The following PPM1E variants were observed in gnomAD, a reference collection of about 807,000 sequenced individuals.
PPM1E encodes the protein protein phosphatase 1E.
A neutral mutation model predicts 65.9 loss-of-function variants in PPM1E; 20 were observed. The ratio of observed to expected loss-of-function variants is 0.30; its 90% CI spans 0.21 to 0.44. The LOEUF is 0.44. Among genes scored for constraint, PPM1E ranks in the 20% least tolerant of loss-of-function variants. The probability of loss-of-function intolerance (pLI) is 1.00; values close to 1 mark genes in which losing one functional copy is unlikely to be tolerated. For synonymous variants in PPM1E, 352 were observed against 374.9 expected (o/e 0.94, Z 0.70); for missense variants, 713 against 953.1 (o/e 0.75, Z 3.32).
chr17:58,984,665 T>C lies in PPM1E; in HGVS notation c.*3634T>C, dbSNP rs144066773. 3.1e-4 allele frequency: 47 copies of C among 152,766 alleles called. No homozygotes were observed. Among genetic ancestry groups the C allele is most frequent in the Non-Finnish European group, 6.2e-4 (42 of 68,022 alleles). The allele number at this position is 152,766 out of a possible 1,614,324, so 9.5% of individuals were successfully genotyped here. On this transcript the variant is annotated 3_prime_UTR_variant, in exon 7 of 7. Transcript: ENST00000308249. The stretch of plus-strand genomic sequence containing the variant: ...TATTCTGATCTGCAAATAGCTTAAA[T>C]GTCTCTTGCAAAACAAAGTAAGATA...
At chr17:58,808,115 TATC>T (rs1240319078) in intron 1 of PPM1E, among the ~76,000 whole-genome samples, 10 of 152,234 alleles carry the variant, frequency 6.6e-5, no homozygotes, top group African/African-American at 2.4e-4. Context: ...TTTATCAAGT[TATC>T]ATATTTTCAT....
chr17:58,965,931 G>A, intron 3 of PPM1E, 38 bp downstream of exon 3: 1 of 1,588,680 alleles, frequency 6.3e-7, no homozygotes, highest in South Asian at 1.1e-5. Flanking sequence ...AGATTTTAAA[G>A]ACAAAACAAA....
Position 58,933,092 on chromosome 17 carries a change from A to G in PPM1E, c.465-22557A>G, listed in dbSNP as rs193177961. On this transcript the variant is annotated intron_variant, in intron 1 of 6. Transcript: ENST00000308249. ...ATAGCCTACGTGTGTAGTAGACTAT[A>G]CCATCTGGGTTTATATGAGTATGCT... Among the ~76,000 whole-genome samples, 17 of 152,312 alleles carry G rather than the reference A, an allele frequency of 1.1e-4. No individual in the cohort carries two copies. The East Asian group carries it at 2.9e-3, about 26-fold the overall frequency.
chr17:58,796,341 G>A (rs576873248), intron 1 of PPM1E, among the ~76,000 whole-genome samples: 6 of 152,210 alleles, frequency 3.9e-5, no homozygotes, highest in African/African-American at 9.6e-5. Flanking sequence ...CATCCTGCCC[G>A]GCTTGGTTTT....
chr17:58,829,345 G>A (rs1163835686), intron 1 of PPM1E, among the ~76,000 whole-genome samples: 1 of 152,064 alleles, frequency 6.6e-6, no homozygotes, highest in African/African-American at 2.4e-5. Flanking sequence ...CCTGGCCCGT[G>A]TTTACGTTTT....
At chr17:58,848,891 T>C (rs926873776) in intron 1 of PPM1E, among the ~76,000 whole-genome samples, 12 of 152,226 alleles carry the variant, frequency 7.9e-5, no homozygotes, top group African/African-American at 2.9e-4. Context: ...CAGCTGTGAA[T>C]CCATCTGGTC....
intron 1 of PPM1E, among the ~76,000 whole-genome samples, chr17:58,767,333 A>G (rs1299061493): frequency 1.3e-5 from 2 of 152,192 alleles, no homozygotes; most frequent in Non-Finnish European, 2.9e-5. Flanking sequence ...ACAAGTTTTC[A>G]CCATCAGCAG....
At chr17:58,959,917 T>G (rs1236860491) in intron 2 of PPM1E, among the ~76,000 whole-genome samples, 2 of 152,166 alleles carry the variant, frequency 1.3e-5, no homozygotes, top group Non-Finnish European at 2.9e-5. Context: ...TTGATAAAAT[T>G]TAATATCATT....
chr17:58,933,744 C>T (rs1216874917), intron 1 of PPM1E, among the ~76,000 whole-genome samples: 1 of 150,208 alleles, frequency 6.7e-6, no homozygotes, highest in African/African-American at 2.5e-5. Flanking sequence ...TTCAGTGAGC[C>T]GAGATCGCAC....
intron 1 of PPM1E, among the ~76,000 whole-genome samples, chr17:58,892,296 C>T (rs1028018653): frequency 3.3e-5 from 5 of 151,988 alleles, no homozygotes; most frequent in South Asian, 2.1e-4. Flanking sequence ...ATTTCAAGGC[C>T]GGCATGGTGG....
intron 1 of PPM1E, chr17:58,835,855 C>G (rs921088921): frequency 1.3e-5 from 2 of 152,148 alleles, no homozygotes; most frequent in African/African-American, 4.8e-5. Context: ...GGTGACAGAA[C>G]AAGACCCCGT....
At chr17:58,916,867 T>A in intron 1 of PPM1E, among the ~76,000 whole-genome samples, 1 of 152,126 alleles carries the variant, frequency 6.6e-6, no homozygotes, top group Non-Finnish European at 1.5e-5. Context: ...TGTGGTATTA[T>A]TATATAAGAC....
intron 1 of PPM1E, among the ~76,000 whole-genome samples, chr17:58,887,162 C>CTTTTT (rs71143300): frequency 7.5e-4 from 84 of 111,686 alleles, no homozygotes; most frequent in Middle Eastern, 5.6e-3. Flanking sequence ...AGGCCTTCTT[C>CTTTTT]TTTTTTTTTT....
chr17:58,824,493 C>T (rs1051173559), intron 1 of PPM1E, among the ~76,000 whole-genome samples: 4 of 151,966 alleles, frequency 2.6e-5, no homozygotes, highest in African/African-American at 9.7e-5. Flanking sequence ...GAATCAATCA[C>T]TTTGAAAAGA....
intron 1 of PPM1E, among the ~76,000 whole-genome samples, chr17:58,869,965 C>G (rs751871152): frequency 6.6e-6 from 1 of 152,154 alleles, no homozygotes; most frequent in Admixed American, 6.5e-5. Flanking sequence ...AATTCAAATT[C>G]TCTAGCAAAT....
intron 1 of PPM1E, among the ~76,000 whole-genome samples, chr17:58,802,081 T>C (rs2050264170): frequency 1.3e-5 from 2 of 152,170 alleles, no homozygotes; most frequent in African/African-American, 4.8e-5. Flanking sequence ...TATTGAGGTG[T>C]GATTGACAAA....
intron 1 of PPM1E, among the ~76,000 whole-genome samples, chr17:58,808,903 C>T (rs1183303130): frequency 1.3e-5 from 2 of 151,916 alleles, no homozygotes; most frequent in African/African-American, 4.8e-5. Context: ...CTTAAAAATA[C>T]ACAAAGTTGA....
intron 1 of PPM1E, among the ~76,000 whole-genome samples, chr17:58,931,512 A>C (rs1390974523): frequency 1.3e-5 from 2 of 152,182 alleles, no homozygotes; most frequent in African/African-American, 4.8e-5. Context: ...GTACATCATG[A>C]GCCAGGGAAA....
In PPM1E at chr17:58,802,857, C is replaced by T. The variant is rs533072127; in HGVS notation, c.464+46396C>T. 9.9e-5 allele frequency among the ~76,000 whole-genome samples: 15 copies of T among 152,042 alleles called. No individual in the cohort carries two copies. The South Asian group carries it at 2.7e-3, about 27-fold the overall frequency. On this transcript the variant is annotated intron_variant, in intron 1 of 6. Transcript: ENST00000308249. The stretch of plus-strand genomic sequence containing the variant: ...AGTTCACTGTTAGTATATAGTAATG[C>T]AACTGATTTTTGTGTGTTTTTTTTT...
Sources: allele counts gnomAD v4.1 joint callset (sites outside exome capture counted in the v4.1 genomes callset), GRCh38; gene constraint gnomAD v4.1.1; transcripts MANE v1.5; gene names NCBI Gene and HGNC (gene_info 2026-07-23, HGNC 2026-07-21).